The following TNFAIP8 variants were observed in gnomAD, a reference collection of about 807,000 sequenced individuals.
The protein encoded by TNFAIP8 is tumor necrosis factor alpha-induced protein 8.
A neutral mutation model predicts 13.3 loss-of-function variants in TNFAIP8; 7 were observed. The ratio of observed to expected loss-of-function variants is 0.52; its 90% CI spans 0.30 to 0.99. The LOEUF (loss-of-function observed/expected upper bound fraction) is 0.99. Among genes scored for constraint, TNFAIP8 ranks in the 50% least tolerant of loss-of-function variants. The pLI is 0.07. For synonymous variants in TNFAIP8, 94 were observed against 87.6 expected, an observed-to-expected ratio of 1.07 and a Z score of -0.41; for missense variants, 258 against 236.9, an observed-to-expected ratio of 1.09 and a Z score of -0.58.
intron 1 of TNFAIP8, among the ~76,000 whole-genome samples, chr5:119,303,432 C>G (rs992099568): frequency 3.3e-5 from 5 of 152,118 alleles, no homozygotes; most frequent in African/African-American, 1.2e-4. Context: ...GCTGTGTGCT[C>G]TGTAATGGGC....
At chr5:119,317,001 T>C (rs1273056285) in intron 1 of TNFAIP8, among the ~76,000 whole-genome samples, 1 of 152,098 alleles carries the variant, frequency 6.6e-6, no homozygotes, top group Non-Finnish European at 1.5e-5. Context: ...TCTAGAAAAA[T>C]CAGGCTGAAG....
intron 1 of TNFAIP8, among the ~76,000 whole-genome samples, chr5:119,309,807 T>C (rs374498977): frequency 3.3e-5 from 5 of 152,234 alleles, no homozygotes; most frequent in Non-Finnish European, 7.3e-5. Flanking sequence ...TCTTGTCTTA[T>C]TGGCATTTAA....
intron 1 of TNFAIP8, among the ~76,000 whole-genome samples, chr5:119,331,431 G>C (rs755854529): frequency 2.6e-5 from 4 of 152,096 alleles, no homozygotes; most frequent in Non-Finnish European, 4.4e-5. Flanking sequence ...GGGATATCTT[G>C]GGCATTCTAG....
intron 1 of TNFAIP8, chr5:119,391,429 A>C: frequency 1.4e-6 from 1 of 702,346 alleles, no homozygotes; most frequent in East Asian, 2.7e-5. Context: ...GATTGAGTAG[A>C]CACCCAAAGA....
chr5:119,369,519 G>A (rs1027476842), intron 1 of TNFAIP8, among the ~76,000 whole-genome samples: 4 of 152,226 alleles, frequency 2.6e-5, no homozygotes, highest in Admixed American at 6.5e-5. Context: ...CCAGTGAGGT[G>A]TGAGGACAGG....
chr5:119,280,253 T>C (rs1158748417), intron 1 of TNFAIP8, among the ~76,000 whole-genome samples: 1 of 152,050 alleles, frequency 6.6e-6, no homozygotes, highest in Non-Finnish European at 1.5e-5. Flanking sequence ...GACTTTATAG[T>C]AATTACTTCC....
At chr5:119,289,543 A>C (rs1748918709) in intron 1 of TNFAIP8, among the ~76,000 whole-genome samples, 1 of 152,246 alleles carries the variant, frequency 6.6e-6, no homozygotes, top group Non-Finnish European at 1.5e-5. Context: ...ATGAAATGCT[A>C]TCAGTTTCTG....
chr5:119,360,273 T>C (rs973611226), intron 1 of TNFAIP8, among the ~76,000 whole-genome samples: 1 of 152,194 alleles, frequency 6.6e-6, no homozygotes, highest in Non-Finnish European at 1.5e-5. Flanking sequence ...GACCCAGCGA[T>C]TGCATTTCAG....
chr5:119,310,908 T>A (rs768299962), intron 1 of TNFAIP8, among the ~76,000 whole-genome samples: 2 of 152,194 alleles, frequency 1.3e-5, no homozygotes, highest in Non-Finnish European at 2.9e-5. Flanking sequence ...CCCCTTCTCC[T>A]TCCCCATACT....
At chr5:119,279,449 A>G (rs1407659558) in intron 1 of TNFAIP8, among the ~76,000 whole-genome samples, 2 of 152,242 alleles carry the variant, frequency 1.3e-5, no homozygotes. Context: ...AGAGCTGGTC[A>G]TGCCATACCT....
intron 1 of TNFAIP8, among the ~76,000 whole-genome samples, chr5:119,326,665 T>A (rs1435497512): frequency 6.6e-6 from 1 of 151,872 alleles, no homozygotes; most frequent in Non-Finnish European, 1.5e-5. Context: ...TTTGAGAAAA[T>A]GTATCATGAG....
intron 1 of TNFAIP8, among the ~76,000 whole-genome samples, chr5:119,321,970 C>G (rs1750070483): frequency 6.6e-6 from 1 of 152,152 alleles, no homozygotes; most frequent in Non-Finnish European, 1.5e-5. Context: ...CACTGACCAC[C>G]ATGCTGTTCC....
intron 1 of TNFAIP8, among the ~76,000 whole-genome samples, chr5:119,315,098 T>C (rs1327867228): frequency 6.6e-6 from 1 of 152,096 alleles, no homozygotes; most frequent in African/African-American, 2.4e-5. Context: ...TGTTTTGTTT[T>C]TCGAGATGGA....
chr5:119,364,997 G>A (rs756851500), intron 1 of TNFAIP8, among the ~76,000 whole-genome samples: 2 of 151,382 alleles, frequency 1.3e-5, no homozygotes, highest in Admixed American at 1.3e-4. Context: ...GATTACAGGC[G>A]TTCACCACCA....
chr5:119,377,092 T>C (rs1356681428), intron 1 of TNFAIP8, among the ~76,000 whole-genome samples: 1 of 152,166 alleles, frequency 6.6e-6, no homozygotes, highest in Non-Finnish European at 1.5e-5. Context: ...ACATAACAGT[T>C]GCTTAATAAA....
chr5:119,383,043 A>G (rs1471949719), intron 1 of TNFAIP8, among the ~76,000 whole-genome samples: 1 of 152,250 alleles, frequency 6.6e-6, no homozygotes, highest in Admixed American at 6.5e-5. Flanking sequence ...CATTTTGTGC[A>G]TCTCCAAAGG....
rs1752959062 is a variant in TNFAIP8 at position 119,393,041 on chromosome 5, A to T, written c.257A>T (p.Tyr86Phe). Residue 86 changes from tyrosine (Y) to phenylalanine (F), a missense_variant, in exon 2 of 2, where the codon TAT becomes TTT. Transcript: ENST00000504771. ...ACAGTCATCAAGCTGGCCATTCTTT[A>T]TAGGAATAATCAGTTTAATCAAGAT... ...IKTVIKLAIL[Y>F]RNNQFNQDEL... 6.2e-7 allele frequency: 1 copy of T among 1,613,658 alleles called. No individual in the cohort carries two copies. The highest frequency in any genetic ancestry group is 1.3e-5 in the African/African-American group (1 of 75,048).
chr5:119,321,855 T>C (rs1750067954), intron 1 of TNFAIP8, among the ~76,000 whole-genome samples: 1 of 151,966 alleles, frequency 6.6e-6, no homozygotes, highest in South Asian at 2.1e-4. Flanking sequence ...ACGGACAAAC[T>C]CCCCACTCCT....
intron 1 of TNFAIP8, among the ~76,000 whole-genome samples, chr5:119,290,020 T>A (rs984064209): frequency 6.6e-6 from 1 of 152,262 alleles, no homozygotes; most frequent in Non-Finnish European, 1.5e-5. Context: ...TAATGATTAC[T>A]AAATGTCTTA....
Sources: allele counts gnomAD v4.1 joint callset (sites outside exome capture counted in the v4.1 genomes callset), GRCh38; gene constraint gnomAD v4.1.1; transcripts MANE v1.5; gene names NCBI Gene and HGNC (gene_info 2026-07-23, HGNC 2026-07-21).